The following KIAA1217 variants were observed in gnomAD, a reference collection of about 807,000 sequenced individuals.
The protein encoded by KIAA1217 is sickle tail protein homolog.
KIAA1217 carries 88 observed loss-of-function variants against 163.9 expected under a neutral mutation model. The ratio of observed to expected loss-of-function variants is 0.54; its 90% CI spans 0.45 to 0.64. The LOEUF (loss-of-function observed/expected upper bound fraction) is 0.64. Ranked by LOEUF, KIAA1217 falls within the 30% of genes least tolerant of loss-of-function variation. The pLI is 0.00. For missense variants in KIAA1217, 2,372 were observed against 2,475.0 expected (o/e 0.96, Z 0.88); for synonymous variants, 903 against 923.1 (o/e 0.98, Z 0.39).
intron 3 of KIAA1217, among the ~76,000 whole-genome samples, chr10:24,399,880 T>A (rs2056322936): frequency 6.6e-6 from 1 of 152,012 alleles, no homozygotes; most frequent in Admixed American, 6.6e-5. Context: ...TAATAATACA[T>A]GGCAAGTTTG....
chr10:24,383,546 A>G (rs1298536823), intron 3 of KIAA1217, among the ~76,000 whole-genome samples: 1 of 152,212 alleles, frequency 6.6e-6, no homozygotes, highest in Non-Finnish European at 1.5e-5. Context: ...TTTACTCAGC[A>G]TCCTTTGCTG....
intron 2 of KIAA1217, among the ~76,000 whole-genome samples, chr10:24,319,135 T>C (rs1413262364): frequency 6.6e-6 from 1 of 152,112 alleles, no homozygotes; most frequent in African/African-American, 2.4e-5. Flanking sequence ...CCCAACACTT[T>C]GGGAGGCCGA....
At chr10:23,716,511 G>A (rs1188047767) in intron 1 of KIAA1217, among the ~76,000 whole-genome samples, 1 of 152,128 alleles carries the variant, frequency 6.6e-6, no homozygotes, top group African/African-American at 2.4e-5. Context: ...TGCATTTACA[G>A]TGTGAACCTG....
intron 6 of KIAA1217, among the ~76,000 whole-genome samples, chr10:24,486,182 CCTG>C (rs2065370318): frequency 6.6e-6 from 1 of 152,220 alleles, no homozygotes; most frequent in African/African-American, 2.4e-5. Flanking sequence ...CCACTCAGTC[CCTG>C]CCACCTTCAG....
intron 1 of KIAA1217, among the ~76,000 whole-genome samples, chr10:24,003,084 A>G (rs780655781): frequency 5.9e-5 from 9 of 152,158 alleles, no homozygotes; most frequent in Non-Finnish European, 1.2e-4. Flanking sequence ...CCACATCTCT[A>G]CAATTGTGAA....
chr10:23,815,382 C>T (rs569758866), intron 1 of KIAA1217, among the ~76,000 whole-genome samples: 2 of 152,154 alleles, frequency 1.3e-5, no homozygotes, highest in East Asian at 1.9e-4. Flanking sequence ...CGGTGGCTCA[C>T]GCCTGTAATC....
intron 2 of KIAA1217, among the ~76,000 whole-genome samples, chr10:24,232,441 A>T (rs1243828827): frequency 6.6e-6 from 1 of 152,208 alleles, no homozygotes; most frequent in African/African-American, 2.4e-5. Flanking sequence ...AAGCTCTGCA[A>T]GAAATCAAAA....
At position 24,501,435 on chromosome 10, in the gene KIAA1217, C is replaced by T. The variant is rs778851686; in HGVS notation, c.1891C>T (p.Pro631Ser). 1.2e-6 allele frequency: 2 copies of T among 1,614,074 alleles called. No homozygotes were observed. The highest frequency in any genetic ancestry group is 1.3e-5 in the African/African-American group (1 of 75,020). Reference sequence around the variant, plus strand: ...CAGTGCTCTGGAGTCCACGGTGCCTCCCAGCCAGCCTCCACCTGTGGGCAC... The same window carrying T: ...CAGTGCTCTGGAGTCCACGGTGCCTTCCAGCCAGCCTCCACCTGTGGGCAC... ...MLSALESTVP[P>S]SQPPPVGTSA... Residue 631 changes from proline (P) to serine (S), a missense_variant, in exon 9 of 21, where the codon CCC (proline) becomes TCC (serine). Around this residue, in one of 3 missense-constraint regions of KIAA1217, gnomAD observed 1,431 missense variants for 1,470.3 expected, o/e 0.97. Transcript: ENST00000376454.
At chr10:24,289,345 A>G (rs1564411773) in intron 2 of KIAA1217, among the ~76,000 whole-genome samples, 1 of 152,230 alleles carries the variant, frequency 6.6e-6, no homozygotes, top group East Asian at 1.9e-4. Context: ...TGAAGGCTAT[A>G]AGATGTGTGG....
intron 1 of KIAA1217, among the ~76,000 whole-genome samples, chr10:23,886,132 CATT>C (rs772321255): frequency 5.9e-5 from 9 of 151,836 alleles, no homozygotes; most frequent in Non-Finnish European, 1.0e-4. Flanking sequence ...GTAGACGAAT[CATT>C]ATTCTGATGT....
At chr10:23,728,773 C>G (rs1268284834) in intron 1 of KIAA1217, among the ~76,000 whole-genome samples, 1 of 152,164 alleles carries the variant, frequency 6.6e-6, no homozygotes, top group Non-Finnish European at 1.5e-5. Flanking sequence ...CAGTTTTAAG[C>G]TTACAGCAAA....
chr10:23,907,606 C>T (rs1013706191), intron 1 of KIAA1217, among the ~76,000 whole-genome samples: 3 of 152,062 alleles, frequency 2.0e-5, no homozygotes, highest in African/African-American at 7.2e-5. Flanking sequence ...CCAGCTGACA[C>T]AGAGAGAGAG....
intron 3 of KIAA1217, among the ~76,000 whole-genome samples, chr10:24,392,501 T>G (rs1236896021): frequency 6.6e-6 from 1 of 152,208 alleles, no homozygotes; most frequent in Non-Finnish European, 1.5e-5. Context: ...TCTTGATAAT[T>G]GCTTTAGCCC....
At chr10:24,103,193 G>T (rs1326987615) in intron 2 of KIAA1217, among the ~76,000 whole-genome samples, 1 of 151,998 alleles carries the variant, frequency 6.6e-6, no homozygotes, top group Non-Finnish European at 1.5e-5. Flanking sequence ...TAGGGTACTG[G>T]AACAACTAGA....
intron 2 of KIAA1217, among the ~76,000 whole-genome samples, chr10:24,291,484 C>G (rs114277384): frequency 9.0e-4 from 137 of 152,226 alleles, no homozygotes; most frequent in African/African-American, 3.2e-3. Context: ...GAGTCAAGAT[C>G]GCACCATTGC....
intron 1 of KIAA1217, among the ~76,000 whole-genome samples, chr10:23,918,338 A>G (rs1040494735): frequency 3.9e-5 from 6 of 152,090 alleles, no homozygotes; most frequent in Non-Finnish European, 7.4e-5. Context: ...GCAAAACAAG[A>G]GGCTAATGAG....
At chr10:24,006,967 ATG>A (rs745890388) in intron 1 of KIAA1217, among the ~76,000 whole-genome samples, 1 of 152,162 alleles carries the variant, frequency 6.6e-6, no homozygotes, top group Non-Finnish European at 1.5e-5. Flanking sequence ...ACTTAGTCGA[ATG>A]TGTTTACTTT....
intron 1 of KIAA1217, among the ~76,000 whole-genome samples, chr10:23,778,485 G>T (rs144808137): frequency 5.1e-4 from 77 of 152,286 alleles, no homozygotes; most frequent in Non-Finnish European, 1.0e-3. Context: ...ACAGCTTTAT[G>T]GTGGATAAGG....
At chr10:24,455,412 A>G (rs886128664) in intron 5 of KIAA1217, among the ~76,000 whole-genome samples, 1 of 152,210 alleles carries the variant, frequency 6.6e-6, no homozygotes, top group Non-Finnish European at 1.5e-5. Flanking sequence ...ATTTGCATTA[A>G]ATTCCCAATC....
Sources: gnomAD v4.1 joint callset for allele counts (sites outside exome capture counted in the v4.1 genomes callset) on GRCh38, gnomAD v4.1.1 for gene constraint, gnomAD v4.1.1 regional missense constraint, MANE v1.5 for transcripts, NCBI Gene and HGNC (gene_info 2026-07-23, HGNC 2026-07-21) for gene names.